GALNT16: variants seen among roughly 807,000 people sequenced by gnomAD.
The protein encoded by GALNT16 is UDP-GalNAc:polypeptide N-acetylgalactosaminyltransferase-like protein 1.
A neutral mutation model predicts 76.1 loss-of-function variants in GALNT16; 40 were observed. The observed-to-expected ratio is 0.53, with a 90% CI of 0.41 to 0.68. GALNT16 has a LOEUF of 0.68. GALNT16 is among the 30% of genes least tolerant of loss of function. GALNT16 has a pLI of 0.00. For synonymous variants in GALNT16, 276 were observed against 285.2 expected (o/e 0.97, Z 0.32); for missense variants, 621 against 731.9 (o/e 0.85, Z 1.75).
chr14:69,312,053 AAATCTGTCTATCTATCTATCT>A (rs1296888330), intron 1 of GALNT16, among the ~76,000 whole-genome samples: 2 of 127,748 alleles, frequency 1.6e-5, no homozygotes, highest in Non-Finnish European at 3.3e-5. Flanking sequence ...AAAAAAAAAA[AAATCTGTCTATCTATCTATCT>A]ATCTATCTAT....
chr14:69,263,695 C>T (rs543921460), intron 1 of GALNT16, among the ~76,000 whole-genome samples: 31 of 152,252 alleles, frequency 2.0e-4, no homozygotes, highest in African/African-American at 6.3e-4. Context: ...TACAGGGTGT[C>T]GGCATGGCAA....
At chr14:69,381,282 C>T in the GALNT16 span, among the ~76,000 whole-genome samples, 1 of 151,874 alleles carries the variant, frequency 6.6e-6, no homozygotes, top group Admixed American at 6.6e-5. Flanking sequence ...ACAAAAACAA[C>T]AATACTAGAA....
At chr14:69,288,159 A>C (rs2044640219) in intron 1 of GALNT16, among the ~76,000 whole-genome samples, 1 of 152,208 alleles carries the variant, frequency 6.6e-6, no homozygotes, top group Non-Finnish European at 1.5e-5. Flanking sequence ...ACAGCCGCCT[A>C]GTGGCCTAAT....
downstream of GALNT16, chr14:69,358,800 G>A (rs1200663683): frequency 6.6e-6 from 1 of 152,368 alleles, no homozygotes; most frequent in African/African-American, 2.4e-5. Context: ...AACCACCGAT[G>A]GTTACAACTA....
intron 1 of GALNT16, among the ~76,000 whole-genome samples, chr14:69,316,130 G>A (rs921698354): frequency 4.6e-5 from 7 of 152,122 alleles, no homozygotes; most frequent in Non-Finnish European, 1.0e-4. Context: ...GTGGGACAGG[G>A]GACAGTGAAT....
chr14:69,364,730 C>A, the GALNT16 span, among the ~76,000 whole-genome samples: 20,735 of 152,088 alleles, frequency 0.14, 1,510 homozygotes, highest in East Asian at 0.18. This position sits in a 1 kb window ranked among gnomAD's most constrained non-coding sequence, Gnocchi z 4.2. Context: ...CTTGCTTTTT[C>A]TCTTCAATAT....
intron 1 of GALNT16, among the ~76,000 whole-genome samples, chr14:69,269,354 G>A (rs954793467): frequency 1.4e-5 from 2 of 147,806 alleles, no homozygotes; most frequent in Admixed American, 6.8e-5. Flanking sequence ...TGTATAGAAC[G>A]TGTGATGTAT....
intron 1 of GALNT16, among the ~76,000 whole-genome samples, chr14:69,289,469 T>C (rs1320467989): frequency 6.6e-6 from 1 of 152,244 alleles, no homozygotes; most frequent in East Asian, 1.9e-4. Context: ...AAATCTCAGT[T>C]GCTGGCCTCA....
intron 11 of GALNT16, among the ~76,000 whole-genome samples, chr14:69,340,238 C>A (rs992255774): frequency 1.3e-5 from 2 of 152,060 alleles, no homozygotes; most frequent in Admixed American, 1.3e-4. Flanking sequence ...GTACAGTTGC[C>A]CCTCTGCATC....
rs779650408 is a variant in GALNT16 at position 69,347,080 on chromosome 14, G to C, written c.1312G>C (p.Gly438Arg). ...KEALPGIIKQ[G>R]VNCLESQGQN... Reference sequence around the variant, plus strand: ...AGCACTCCCCGGCATCATTAAGCAGGGGGTGAACTGCTTAGAATCTCAGGG... The same window carrying C: ...AGCACTCCCCGGCATCATTAAGCAGCGGGTGAACTGCTTAGAATCTCAGGG... The change falls in exon 13 of 15, where the codon GGG (glycine) becomes CGG (arginine). Residue 438 changes from glycine to arginine, a missense_variant. By Grantham distance (125) the Gly-to-Arg change is moderately radical (BLOSUM62 -2). Coordinates refer to ENST00000448469, the MANE Select transcript of GALNT16 (RefSeq NM_001168368.2). The C allele has an allele frequency of 3.1e-6, 5 of 1,613,846 alleles. No individual in the cohort carries two copies. The highest frequency in any genetic ancestry group is 4.2e-6 in the Non-Finnish European group (5 of 1,179,762).
At chr14:69,287,164 T>C (rs2044624550) in intron 1 of GALNT16, among the ~76,000 whole-genome samples, 1 of 152,236 alleles carries the variant, frequency 6.6e-6, no homozygotes, top group South Asian at 2.1e-4. Flanking sequence ...CAATTACAAC[T>C]CTGCATCACA....
chr14:69,324,935 G>A (rs946901093), intron 3 of GALNT16, 145 bp downstream of exon 3: 6 of 582,304 alleles, frequency 1.0e-5, no homozygotes, highest in Non-Finnish European at 1.8e-5. Flanking sequence ...GGTGAATCAG[G>A]GCCAGGAAGA....
rs529488802 is a variant in GALNT16, at chr14:69,277,205, CT to C, written c.177+16741del. 1.4e-3 allele frequency among the ~76,000 whole-genome samples: 214 copies of C among 152,158 alleles called. 1 individual carries two copies. Among genetic ancestry groups the C allele is most frequent in the African/African-American group, 4.9e-3 (205 of 41,514 alleles). ...AGGTATGAGATCAAAGACAAAAAGC[CT>C]TTATTATTATATTTTCTCCTTTTTT... On this transcript the variant is annotated intron_variant, in intron 1 of 14. Coordinates refer to ENST00000448469, the MANE Select transcript of GALNT16 (RefSeq NM_001168368.2).
rs1211331252 is a variant in GALNT16, at chr14:69,353,173, A to G, written c.*1005A>G. On this transcript the variant is annotated 3_prime_UTR_variant, in exon 15 of 15. Transcript: ENST00000448469. ...CTCAAAGGTTTTTGCCTCTGTCAAT[A>G]CAGCATCATGGGTGGTTGGAAAGAA... Among the ~76,000 whole-genome samples the G allele has an allele frequency of 6.6e-6, 1 of 152,172 alleles. No individual in the cohort carries two copies. The highest frequency in any genetic ancestry group is 1.5e-5 in the Non-Finnish European group (1 of 68,036).
In GALNT16 at chr14:69,332,195, G is replaced by A. The variant is rs180708984; in HGVS notation, c.778+644G>A. Among the ~76,000 whole-genome samples, 13 of 152,170 alleles carry A rather than the reference G, an allele frequency of 8.5e-5. No individual in the cohort carries two copies. The Middle Eastern group carries it at 0.01, about 119-fold the overall frequency. On this transcript the variant is annotated intron_variant, in intron 7 of 14. Coordinates refer to ENST00000448469, the MANE Select transcript of GALNT16 (RefSeq NM_001168368.2). ...TGATATATTACATTAAAAATATTTC[G>A]TCCAAATTAATTTCATATATTCTTT...
At chr14:69,282,386 G>A (rs530070222) in intron 1 of GALNT16, among the ~76,000 whole-genome samples, 3 of 152,170 alleles carry the variant, frequency 2.0e-5, no homozygotes, top group South Asian at 2.1e-4. Context: ...TGCCCTGGGC[G>A]CTTTGCACAG....
At chr14:69,338,173 G>C (rs1030990871) in intron 9 of GALNT16, among the ~76,000 whole-genome samples, 1 of 152,252 alleles carries the variant, frequency 6.6e-6, no homozygotes, top group Non-Finnish European at 1.5e-5. Flanking sequence ...GACCAACTGG[G>C]TCAAGAGGGA....
Position 69,354,187 on chromosome 14 carries a change from G to T in GALNT16, c.*2019G>T, listed in dbSNP as rs1413051002. 1.3e-5 allele frequency: 2 copies of T among 152,954 alleles called. No individual in the cohort carries two copies. The highest frequency in any genetic ancestry group is 2.9e-5 in the Non-Finnish European group (2 of 68,274). The allele number at this position is 152,954 out of a possible 1,614,324, so 9.5% of individuals were successfully genotyped here. A position where few individuals can be genotyped will look rare whatever the true frequency, so the allele number is the denominator to read the frequency against. On this transcript the variant is annotated 3_prime_UTR_variant, in exon 15 of 15. Transcript: ENST00000448469. Reference sequence around the variant, plus strand: ...CTCTCCCCAGAGGATGGACTAGAAGGCCTGGGCCACACTCGGGCATGGACC... The same window carrying T: ...CTCTCCCCAGAGGATGGACTAGAAGTCCTGGGCCACACTCGGGCATGGACC...
At chr14:69,293,702 G>C (rs1335392115) in intron 1 of GALNT16, among the ~76,000 whole-genome samples, 2 of 152,158 alleles carry the variant, frequency 1.3e-5, no homozygotes, top group African/African-American at 4.8e-5. Flanking sequence ...TTTGTAAAAT[G>C]ATGATGATCA....
Sources: allele counts gnomAD v4.1 joint callset (sites outside exome capture counted in the v4.1 genomes callset), GRCh38; gene constraint gnomAD v4.1.1; non-coding constraint Gnocchi (gnomAD v3.1); transcripts MANE v1.5; gene names NCBI Gene and HGNC (gene_info 2026-07-23, HGNC 2026-07-21).